Variants in SPAG16 observed in about 807,000 individuals in gnomAD.
SPAG16 encodes sperm associated antigen 16, also known as sperm-associated antigen 16 protein.
Under a neutral mutation model 80.4 loss-of-function variants are expected in SPAG16, and 86 were observed. The ratio of observed to expected loss-of-function variants is 1.07; its 90% CI spans 0.90 to 1.28. The LOEUF (loss-of-function observed/expected upper bound fraction) is 1.28, where lower values mean the gene tolerates loss of function less well. Among genes scored for constraint, SPAG16 ranks in the 50% most tolerant of loss-of-function variants. The pLI is 0.00. For missense variants in SPAG16, 870 were observed against 765.3 expected, an observed-to-expected ratio of 1.14 and a Z score of -1.61; for synonymous variants, 294 against 265.9, an observed-to-expected ratio of 1.11 and a Z score of -1.03.
intron 13 of SPAG16, among the ~76,000 whole-genome samples, chr2:214,076,369 G>C (rs187550400): frequency 2.0e-5 from 3 of 152,134 alleles, no homozygotes; most frequent in Non-Finnish European, 4.4e-5. Context: ...CATCCAGAAA[G>C]ATCAGCAACA....
chr2:213,962,068 C>T (rs1190333793), intron 12 of SPAG16, among the ~76,000 whole-genome samples: 1 of 152,036 alleles, frequency 6.6e-6, no homozygotes, highest in Non-Finnish European at 1.5e-5. Context: ...GAACTGTATC[C>T]CCTCAAAGTT....
Position 214,410,355 on chromosome 2 carries a change from G to T in SPAG16, c.*40G>T, listed in dbSNP as rs187847825. The T allele has an allele frequency of 6.5e-7, 1 of 1,540,222 alleles. No homozygotes were observed. The highest frequency in any genetic ancestry group is 8.8e-7 in the Non-Finnish European group (1 of 1,133,932). ...CGCTGCAGAGGGCATTCCCTTTAAG[G>T]CTTGAAAATGCCTCCTGTAGTCCCA... On this transcript the variant is annotated 3_prime_UTR_variant, in exon 16 of 16. Coordinates refer to ENST00000331683, the MANE Select transcript of SPAG16 (RefSeq NM_024532.5).
chr2:214,013,869 C>T (rs1243203425), intron 12 of SPAG16, 82 bp from the exon 13 acceptor site: 2 of 1,368,688 alleles, frequency 1.5e-6, no homozygotes, highest in Admixed American at 4.8e-5. Context: ...TTTCATGCCT[C>T]AGTTCCTTAA....
chr2:213,971,393 A>G (rs1253453832), intron 12 of SPAG16, among the ~76,000 whole-genome samples: 2 of 152,166 alleles, frequency 1.3e-5, no homozygotes, highest in Non-Finnish European at 2.9e-5. Context: ...ACTGAACTAT[A>G]CAAGTTTTTC....
chr2:213,592,788 A>G (rs2124930169), intron 10 of SPAG16, among the ~76,000 whole-genome samples: 1 of 152,314 alleles, frequency 6.6e-6, no homozygotes, highest in Admixed American at 6.5e-5. Flanking sequence ...GTTGATGCAA[A>G]TGACCCTAAA....
At chr2:213,808,217 G>C (rs2071891803) in intron 10 of SPAG16, among the ~76,000 whole-genome samples, 1 of 152,090 alleles carries the variant, frequency 6.6e-6, no homozygotes, top group Admixed American at 6.6e-5. Context: ...AGGTAAACAA[G>C]AACATTTACC....
chr2:213,806,709 C>T (rs1174750823), intron 10 of SPAG16, among the ~76,000 whole-genome samples: 1 of 151,880 alleles, frequency 6.6e-6, no homozygotes, highest in Non-Finnish European at 1.5e-5. Flanking sequence ...AAACCAAAGA[C>T]TAAAGATATT....
chr2:214,066,142 C>A (rs2050517278), intron 13 of SPAG16, among the ~76,000 whole-genome samples: 1 of 152,108 alleles, frequency 6.6e-6, no homozygotes, highest in African/African-American at 2.4e-5. Flanking sequence ...TGCTAATTCC[C>A]TGTCACCTTT....
At chr2:213,391,643 T>A (rs549128837) in intron 9 of SPAG16, among the ~76,000 whole-genome samples, 1 of 152,316 alleles carries the variant, frequency 6.6e-6, no homozygotes, top group South Asian at 2.1e-4. Context: ...TAGACTCAAG[T>A]AATTTTGTTT....
chr2:213,862,761 G>T, intron 11 of SPAG16, 133 bp downstream of exon 11: 2 of 961,518 alleles, frequency 2.1e-6, no homozygotes, highest in Non-Finnish European at 3.0e-6. Context: ...ATTTCAAAGT[G>T]TATAGACAAA....
At chr2:213,775,294 C>T (rs188635651) in intron 10 of SPAG16, among the ~76,000 whole-genome samples, 1 of 152,090 alleles carries the variant, frequency 6.6e-6, no homozygotes, top group African/African-American at 2.4e-5. Context: ...TGCAACTTTT[C>T]TAAATCACTT....
intron 10 of SPAG16, among the ~76,000 whole-genome samples, chr2:213,785,614 G>C (rs183767109): frequency 6.6e-6 from 1 of 152,314 alleles, no homozygotes; most frequent in African/African-American, 2.4e-5. Context: ...GCTTTGCAGA[G>C]TATTCCCATT....
At chr2:213,471,005 C>A (rs1000590712) in intron 9 of SPAG16, among the ~76,000 whole-genome samples, 1 of 152,208 alleles carries the variant, frequency 6.6e-6, no homozygotes, top group African/African-American at 2.4e-5. Context: ...CTGGCCATTT[C>A]TCTATCCATG....
intron 10 of SPAG16, among the ~76,000 whole-genome samples, chr2:213,761,725 G>A (rs1032789007): frequency 6.6e-6 from 1 of 151,958 alleles, no homozygotes; most frequent in Admixed American, 6.6e-5. Context: ...AATTAGCTGG[G>A]CGTGGTGGCG....
Position 214,067,634 on chromosome 2 carries a change from GA to G in SPAG16, c.1528-40550del, listed in dbSNP as rs879721803. Reference sequence around the variant, plus strand: ...CATATGGGTATGTGTATGTCTTTCTGAAAAAAAAAAAACTAAAATTTTAAGA... The same window carrying G: ...CATATGGGTATGTGTATGTCTTTCTGAAAAAAAAAAACTAAAATTTTAAGA... On this transcript the variant is annotated intron_variant, in intron 13 of 15. Transcript: ENST00000331683. 5.6e-3 allele frequency among the ~76,000 whole-genome samples: 773 copies of G among 139,066 alleles called. 7 individuals carry two copies. The highest frequency in any genetic ancestry group is 0.017 in the African/African-American group (652 of 38,162). The allele number at this position is 139,066 out of a possible 152,430, so 91.2% of individuals were successfully genotyped here.
chr2:214,026,257 C>T (rs116462670), intron 13 of SPAG16, among the ~76,000 whole-genome samples: 1,728 of 150,750 alleles, frequency 0.011, 22 homozygotes, highest in Middle Eastern at 0.031. Context: ...ATTATATATA[C>T]ACACACACAC....
chr2:213,776,168 A>G (rs2069562997), intron 10 of SPAG16, among the ~76,000 whole-genome samples: 1 of 152,244 alleles, frequency 6.6e-6, no homozygotes, highest in Non-Finnish European at 1.5e-5. Context: ...TGTGACAGTG[A>G]TTAAGTTAGA....
intron 6 of SPAG16, among the ~76,000 whole-genome samples, chr2:213,347,392 C>A (rs1264053665): frequency 1.3e-5 from 2 of 152,054 alleles, no homozygotes; most frequent in Admixed American, 1.3e-4. Context: ...TCCTTCAGTT[C>A]TGCTCTGATC....
At chr2:213,740,334 T>G (rs887413813) in intron 10 of SPAG16, among the ~76,000 whole-genome samples, 3 of 152,152 alleles carry the variant, frequency 2.0e-5, no homozygotes, top group Non-Finnish European at 4.4e-5. Flanking sequence ...TGAGTGAAGT[T>G]TCTGTAACAA....
Sources: gnomAD v4.1 joint callset for allele counts (sites outside exome capture counted in the v4.1 genomes callset) on GRCh38, gnomAD v4.1.1 for gene constraint, MANE v1.5 for transcripts, NCBI Gene and HGNC (gene_info 2026-07-23, HGNC 2026-07-21) for gene names.